Variants in HHAT observed in about 807,000 individuals in gnomAD.
HHAT encodes the protein hedgehog acyltransferase.
HHAT carries 47 observed loss-of-function variants against 70.8 expected under a neutral mutation model. That is an observed-to-expected ratio of 0.66 (90% CI 0.53 to 0.85). HHAT has a LOEUF of 0.85. Ranked by LOEUF, HHAT falls within the 40% of genes least tolerant of loss-of-function variation. The pLI is 0.00. For synonymous variants in HHAT, 228 were observed against 247.6 expected (o/e 0.92, Z 0.74); for missense variants, 609 against 604.8 (o/e 1.01, Z -0.07).
chr1:210,437,731 G>A (rs2093412743), intron 7 of HHAT, among the ~76,000 whole-genome samples: 1 of 151,618 alleles, frequency 6.6e-6, no homozygotes, highest in African/African-American at 2.4e-5. Context: ...ATCTCCCCTG[G>A]GCTCATTTTG....
intron 10 of HHAT, among the ~76,000 whole-genome samples, chr1:210,603,169 C>T (rs1394919912): frequency 2.0e-5 from 3 of 152,184 alleles, no homozygotes; most frequent in African/African-American, 2.4e-5. Context: ...CTCCAATCAT[C>T]GGCTGCTATC....
chr1:210,529,318 GA>G (rs10584556), intron 9 of HHAT, among the ~76,000 whole-genome samples: 2,439 of 118,598 alleles, frequency 0.021, 38 homozygotes, highest in African/African-American at 0.056. Context: ...AAAAACAAAG[GA>G]AAAAAAAAAA....
At chr1:210,586,041 T>G (rs1660370560) in intron 9 of HHAT, among the ~76,000 whole-genome samples, 1 of 152,074 alleles carries the variant, frequency 6.6e-6, no homozygotes, top group Non-Finnish European at 1.5e-5. Flanking sequence ...TTGACTAAAG[T>G]TTAGTCAAGG....
At chr1:210,447,338 C>T (rs1283948213) in intron 7 of HHAT, among the ~76,000 whole-genome samples, 1 of 152,104 alleles carries the variant, frequency 6.6e-6, no homozygotes, top group Non-Finnish European at 1.5e-5. Context: ...AGGAGACTAC[C>T]ATAGGGTGCT....
In HHAT at chr1:210,329,069, A is replaced by G; in HGVS notation, c.-79A>G. 7.0e-7 allele frequency: 1 copy of G among 1,429,018 alleles called. No homozygotes were observed. Among genetic ancestry groups the G allele is most frequent in the Non-Finnish European group, 9.2e-7 (1 of 1,091,140 alleles). The allele number at this position is 1,429,018 out of a possible 1,614,324, so 88.5% of individuals were successfully genotyped here. A position where few individuals can be genotyped will look rare whatever the true frequency, so the allele number is the denominator to read the frequency against. On this transcript the variant is annotated 5_prime_UTR_variant, in exon 1 of 12. Transcript: ENST00000261458. Reference sequence around the variant, plus strand: ...GTGTTGGGAACTCGCGGCGCGCGTGAACGTTGCCGTCGCCGCCGCCCGGGA... The same window carrying G: ...GTGTTGGGAACTCGCGGCGCGCGTGGACGTTGCCGTCGCCGCCGCCCGGGA...
At chr1:210,517,156 A>G (rs1189530867) in intron 9 of HHAT, among the ~76,000 whole-genome samples, 5 of 152,334 alleles carry the variant, frequency 3.3e-5, no homozygotes, top group African/African-American at 1.2e-4. Context: ...GAAAGAGATT[A>G]CAGAATAAAA....
chr1:210,505,288 A>G (rs1322132524), intron 8 of HHAT, among the ~76,000 whole-genome samples: 2 of 152,124 alleles, frequency 1.3e-5, no homozygotes, highest in African/African-American at 4.8e-5. Flanking sequence ...TTACTATGTG[A>G]TGTCATCAGG....
chr1:210,587,311 G>T, intron 9 of HHAT, among the ~76,000 whole-genome samples: 1 of 152,164 alleles, frequency 6.6e-6, no homozygotes, highest in Non-Finnish European at 1.5e-5. Flanking sequence ...CTTACATGGC[G>T]CCAGGCCGGA....
chr1:210,454,857 A>G (rs1468727876), intron 7 of HHAT, among the ~76,000 whole-genome samples: 1 of 152,242 alleles, frequency 6.6e-6, no homozygotes, highest in Non-Finnish European at 1.5e-5. Context: ...TGTTCAAAGA[A>G]TAGTCACTCT....
intron 3 of HHAT, among the ~76,000 whole-genome samples, chr1:210,383,337 CAAAA>C (rs11318486): frequency 2.6e-5 from 4 of 152,088 alleles, no homozygotes; most frequent in Admixed American, 1.3e-4. Flanking sequence ...GAGACTGTCT[CAAAA>C]AAGAGCTTCA....
intron 8 of HHAT, among the ~76,000 whole-genome samples, chr1:210,489,180 A>C (rs1443952096): frequency 6.6e-6 from 1 of 152,224 alleles, no homozygotes; most frequent in Non-Finnish European, 1.5e-5. Context: ...ATTTAAATGC[A>C]GTGCAAGTTA....
At chr1:210,448,489 C>T (rs1428609398) in intron 7 of HHAT, among the ~76,000 whole-genome samples, 2 of 152,104 alleles carry the variant, frequency 1.3e-5, no homozygotes. Context: ...CAGGAGGTGG[C>T]AGTAAAAGAT....
intron 7 of HHAT, among the ~76,000 whole-genome samples, chr1:210,460,968 C>G (rs1414898486): frequency 1.3e-5 from 2 of 152,078 alleles, no homozygotes; most frequent in African/African-American, 4.8e-5. Context: ...TCATATATGG[C>G]TTTTTTTGTG....
chr1:210,600,808 G>C (rs1240673303), intron 10 of HHAT, among the ~76,000 whole-genome samples: 1 of 151,956 alleles, frequency 6.6e-6, no homozygotes, highest in Non-Finnish European at 1.5e-5. Context: ...TTGAAGGAAG[G>C]CTCCTTCAGG....
At chr1:210,672,620 C>T (rs774094673) in intron 11 of HHAT, among the ~76,000 whole-genome samples, 13 of 152,304 alleles carry the variant, frequency 8.5e-5, no homozygotes, top group East Asian at 1.9e-4. Flanking sequence ...CTTTCCCTTT[C>T]GGCATCTTGT....
At chr1:210,383,542 A>T (rs539654174) in intron 3 of HHAT, among the ~76,000 whole-genome samples, 1 of 152,172 alleles carries the variant, frequency 6.6e-6, no homozygotes, top group East Asian at 1.9e-4. Context: ...ACTATTTCAT[A>T]TGATATGATA....
At chr1:210,362,345 A>G (rs576948093) in intron 2 of HHAT, among the ~76,000 whole-genome samples, 1 of 152,018 alleles carries the variant, frequency 6.6e-6, no homozygotes, top group African/African-American at 2.4e-5. Context: ...TCCCAGTTGA[A>G]GCAATTCTCC....
At chr1:210,601,669 A>C (rs549069347) in intron 10 of HHAT, among the ~76,000 whole-genome samples, 1 of 152,254 alleles carries the variant, frequency 6.6e-6, no homozygotes, top group East Asian at 1.9e-4. Flanking sequence ...CCCTGCCATG[A>C]ATGAAGGTGT....
At position 210,502,240 on chromosome 1, in the gene HHAT, C is replaced by T. The variant is rs144653062; in HGVS notation, c.1008-10913C>T. 7.2e-3 allele frequency among the ~76,000 whole-genome samples: 1,090 copies of T among 151,348 alleles called. 15 individuals carry two copies. The highest frequency in any genetic ancestry group is 0.024 in the African/African-American group (987 of 41,268). ...TCTACTAAAAATACAAAAAATTAGC[C>T]GGGAGTGGTGGTGGGCGCCTGTAGT... is the stretch of plus-strand genomic sequence containing the variant. On this transcript the variant is annotated intron_variant, in intron 8 of 11. Transcript: ENST00000261458.
Sources: allele counts gnomAD v4.1 joint callset (sites outside exome capture counted in the v4.1 genomes callset), GRCh38; gene constraint gnomAD v4.1.1; transcripts MANE v1.5; gene names NCBI Gene and HGNC (gene_info 2026-07-23, HGNC 2026-07-21).